CNTNAP2: variants seen among roughly 807,000 people sequenced by gnomAD.
CNTNAP2 encodes the protein contactin associated protein 2, also known as contactin-associated protein-like 2.
CNTNAP2 carries 98 observed loss-of-function variants against 155.2 expected under a neutral mutation model. The observed-to-expected ratio is 0.63, with a 90% confidence interval of 0.54 to 0.75. The LOEUF (loss-of-function observed/expected upper bound fraction) is 0.75, where lower values mean the gene tolerates loss of function less well. Ranked by LOEUF, CNTNAP2 falls within the 30% of genes least tolerant of loss-of-function variation. The pLI is 0.00. For synonymous variants in CNTNAP2, 651 were observed against 631.2 expected (o/e 1.03, Z -0.47); for missense variants, 1,727 against 1,688.1 (o/e 1.02, Z -0.40).
intron 1 of CNTNAP2, among the ~76,000 whole-genome samples, chr7:146,678,834 A>G (rs1585038827): frequency 6.6e-6 from 1 of 152,250 alleles, no homozygotes; most frequent in African/African-American, 2.4e-5. Context: ...CAGGTAAAGT[A>G]GGTGGAGTAA....
chr7:147,016,682 A>G (rs1798728968), intron 3 of CNTNAP2, among the ~76,000 whole-genome samples: 1 of 152,104 alleles, frequency 6.6e-6, no homozygotes, highest in African/African-American at 2.4e-5. Context: ...TGCTTCTGAG[A>G]GGTGACTTTT....
At chr7:148,232,231 A>G (rs1263276448) in intron 20 of CNTNAP2, among the ~76,000 whole-genome samples, 1 of 152,204 alleles carries the variant, frequency 6.6e-6, no homozygotes, top group Non-Finnish European at 1.5e-5. Flanking sequence ...TCCTTATGGA[A>G]AAGCAGATCC....
intron 1 of CNTNAP2, among the ~76,000 whole-genome samples, chr7:146,549,531 C>T (rs1330541638): frequency 2.0e-5 from 3 of 152,030 alleles, no homozygotes; most frequent in African/African-American, 7.2e-5. Context: ...ACTTGAACCC[C>T]TGATGGTGCC....
intron 9 of CNTNAP2, among the ~76,000 whole-genome samples, chr7:147,358,749 T>C (rs1796101579): frequency 6.6e-6 from 1 of 152,152 alleles, no homozygotes. Context: ...GCTATGTAGT[T>C]ATTATAATAA....
chr7:147,766,031 T>C (rs886523825), intron 13 of CNTNAP2, among the ~76,000 whole-genome samples: 1 of 152,156 alleles, frequency 6.6e-6, no homozygotes, highest in African/African-American at 2.4e-5. Context: ...ACCTCATCTA[T>C]AGCGATGGAA....
intron 3 of CNTNAP2, among the ~76,000 whole-genome samples, chr7:146,915,468 T>G (rs1266882321): frequency 6.6e-6 from 1 of 152,172 alleles, no homozygotes; most frequent in Non-Finnish European, 1.5e-5. Context: ...TCCATTTGTT[T>G]GTGTCATCTA....
intron 3 of CNTNAP2, among the ~76,000 whole-genome samples, chr7:147,005,673 C>T (rs1001643334): frequency 1.3e-5 from 2 of 152,046 alleles, no homozygotes; most frequent in Admixed American, 6.6e-5. Flanking sequence ...ATTATGCAGA[C>T]TTAAACCAGT....
intron 18 of CNTNAP2, among the ~76,000 whole-genome samples, chr7:148,173,578 G>C (rs1229955435): frequency 6.6e-6 from 1 of 152,074 alleles, no homozygotes; most frequent in Non-Finnish European, 1.5e-5. Context: ...GGCCAGACAG[G>C]GTATGAAAAA....
intron 1 of CNTNAP2, among the ~76,000 whole-genome samples, chr7:146,319,089 G>A (rs1367920688): frequency 6.6e-6 from 1 of 152,102 alleles, no homozygotes; most frequent in African/African-American, 2.4e-5. Flanking sequence ...CTCTAGAGGT[G>A]TTGGTCTCGA....
intron 2 of CNTNAP2, among the ~76,000 whole-genome samples, chr7:146,776,347 C>G (rs1273337499): frequency 6.6e-6 from 1 of 152,106 alleles, no homozygotes. Context: ...ATGATTTGCT[C>G]AGTAAATTTG....
chr7:146,482,373 GAT>G (rs1204864409), intron 1 of CNTNAP2, among the ~76,000 whole-genome samples: 2 of 148,982 alleles, frequency 1.3e-5, no homozygotes, highest in African/African-American at 2.5e-5. Flanking sequence ...CATATAGAGG[GAT>G]ATATATGTAT....
intron 12 of CNTNAP2, among the ~76,000 whole-genome samples, chr7:147,583,591 G>A (rs1405936070): frequency 6.8e-6 from 1 of 147,358 alleles, no homozygotes; most frequent in East Asian, 2.0e-4. Context: ...TCTCATATAG[G>A]TTAGTTTACA....
intron 2 of CNTNAP2, among the ~76,000 whole-genome samples, chr7:146,786,616 A>G (rs1325211814): frequency 6.6e-6 from 1 of 152,228 alleles, no homozygotes; most frequent in Non-Finnish European, 1.5e-5. Flanking sequence ...ATTGCTGACA[A>G]TAAAACATGA....
chr7:147,535,818 C>T (rs1248252684), intron 11 of CNTNAP2, among the ~76,000 whole-genome samples: 1 of 152,156 alleles, frequency 6.6e-6, no homozygotes, highest in Non-Finnish European at 1.5e-5. Flanking sequence ...CACCCTCTGT[C>T]AGCAAAAATA....
intron 9 of CNTNAP2, among the ~76,000 whole-genome samples, chr7:147,362,721 C>T (rs924188609): frequency 6.6e-6 from 1 of 151,980 alleles, no homozygotes; most frequent in Non-Finnish European, 1.5e-5. Flanking sequence ...CGTCATAAAA[C>T]GCATACCCAA....
intron 4 of CNTNAP2, among the ~76,000 whole-genome samples, chr7:147,061,909 A>G (rs1209291009): frequency 6.6e-6 from 1 of 152,028 alleles, no homozygotes; most frequent in Non-Finnish European, 1.5e-5. Context: ...TGGGCGGATC[A>G]CGAGGTCAGG....
At chr7:148,118,357 T>C (rs1174883225) in intron 16 of CNTNAP2, 69 bp downstream of exon 16, 2 of 1,523,194 alleles carry the variant, frequency 1.3e-6, no homozygotes, top group Admixed American at 1.7e-5. Context: ...CGGGTCCTGA[T>C]TGTGGAAGGC....
At chr7:146,970,225 C>T (rs201243934) in intron 3 of CNTNAP2, among the ~76,000 whole-genome samples, 19 of 152,024 alleles carry the variant, frequency 1.2e-4, no homozygotes, top group African/African-American at 2.9e-4. Context: ...CTAATTAAAC[C>T]AAAGAGCTTC....
intron 1 of CNTNAP2, among the ~76,000 whole-genome samples, chr7:146,483,698 A>C (rs1220598061): frequency 2.6e-5 from 4 of 152,022 alleles, no homozygotes; most frequent in Non-Finnish European, 5.9e-5. Context: ...AAGTTAAAAA[A>C]GAAAAATAGA....
Sources: allele counts gnomAD v4.1 joint callset (sites outside exome capture counted in the v4.1 genomes callset), GRCh38; gene constraint gnomAD v4.1.1; transcripts MANE v1.5; gene names NCBI Gene and HGNC (gene_info 2026-07-23, HGNC 2026-07-21).